FOXN3: variants seen among roughly 807,000 people sequenced by gnomAD.
FOXN3 encodes forkhead box protein N3.
Under a neutral mutation model 38.4 loss-of-function variants are expected in FOXN3, and 7 were observed. The ratio of observed to expected loss-of-function variants is 0.18; its 90% CI spans 0.10 to 0.34. The LOEUF is 0.34. Ranked by LOEUF, FOXN3 falls within the 10% of genes least tolerant of loss-of-function variation. The pLI is 1.00. For missense variants in FOXN3, 456 were observed against 613.4 expected (o/e 0.74, Z 2.71); for synonymous variants, 230 against 242.2 (o/e 0.95, Z 0.47).
intron 4 of FOXN3, among the ~76,000 whole-genome samples, chr14:89,207,241 A>C (rs1257404659): frequency 6.6e-6 from 1 of 152,100 alleles, no homozygotes; most frequent in Non-Finnish European, 1.5e-5. Flanking sequence ...AAATAAAGCA[A>C]AACAAAACAA....
intron 1 of FOXN3, among the ~76,000 whole-genome samples, chr14:89,457,531 T>G (rs974706531): frequency 9.9e-5 from 15 of 152,154 alleles, no homozygotes; most frequent in Non-Finnish European, 2.1e-4. Flanking sequence ...ATCTGGACAA[T>G]GGGGGACAAC....
In FOXN3 at chr14:89,157,583, C is replaced by T. The variant is rs1429988355; in HGVS notation, c.*4831G>A. 1 of 152,538 alleles carries T rather than the reference C, an allele frequency of 6.6e-6. No homozygotes were observed. Among genetic ancestry groups the T allele is most frequent in the African/African-American group, 2.4e-5 (1 of 41,394 alleles). The allele number at this position is 152,538 out of a possible 1,614,324, so 9.4% of individuals were successfully genotyped here. On this transcript the variant is annotated 3_prime_UTR_variant, in exon 6 of 6. Transcript: ENST00000557258. ...ACAGGAACACCACACAATGTATATA[C>T]TTTGATTTACACATTCCGTTACAAA...
chr14:89,436,933 G>A (rs1256474965), intron 1 of FOXN3, among the ~76,000 whole-genome samples: 1 of 152,164 alleles, frequency 6.6e-6, no homozygotes, highest in Admixed American at 6.5e-5. Context: ...GATCACCTGA[G>A]GTCAGGAATT....
intron 2 of FOXN3, among the ~76,000 whole-genome samples, chr14:89,369,178 T>G (rs1890240693): frequency 6.6e-6 from 1 of 152,176 alleles, no homozygotes; most frequent in Admixed American, 6.5e-5. Flanking sequence ...TGATTAGGAT[T>G]TCCAAAAACA....
intron 4 of FOXN3, chr14:89,263,447 T>C (rs1885871509): frequency 6.6e-6 from 1 of 152,202 alleles, no homozygotes; most frequent in Non-Finnish European, 1.5e-5. Flanking sequence ...CTAAATATTG[T>C]ATTAACAACA....
At chr14:89,505,732 G>A (rs1356218078) in intron 1 of FOXN3, among the ~76,000 whole-genome samples, 14 of 151,812 alleles carry the variant, frequency 9.2e-5, no homozygotes, top group Admixed American at 3.3e-4. Context: ...CTGCCTGGCC[G>A]CCCATCGTCT....
intron 1 of FOXN3, among the ~76,000 whole-genome samples, chr14:89,538,745 C>T (rs1024181527): frequency 2.6e-5 from 4 of 151,346 alleles, no homozygotes; most frequent in African/African-American, 7.3e-5. Context: ...TTCGAACTCC[C>T]GACCTCAGGT....
chr14:89,193,623 C>T (rs551127546), intron 4 of FOXN3, among the ~76,000 whole-genome samples: 28 of 152,194 alleles, frequency 1.8e-4, no homozygotes, highest in South Asian at 4.1e-4. Flanking sequence ...ACGGAAATAC[C>T]GCAATCCATT....
intron 1 of FOXN3, among the ~76,000 whole-genome samples, chr14:89,597,253 T>G (rs549877495): frequency 2.6e-5 from 4 of 152,284 alleles, no homozygotes; most frequent in African/African-American, 9.6e-5. Flanking sequence ...CATATGGGGA[T>G]TTTTCATTTA....
intron 1 of FOXN3, among the ~76,000 whole-genome samples, chr14:89,538,844 A>G (rs1894740743): frequency 2.6e-5 from 4 of 151,274 alleles, no homozygotes; most frequent in Admixed American, 2.0e-4. Flanking sequence ...TTATTTATTT[A>G]TCTATTTATT....
rs1307174221 is a variant in FOXN3 at position 89,158,564 on chromosome 14, T to C, written c.*3850A>G. On this transcript the variant is annotated 3_prime_UTR_variant, in exon 6 of 6. Coordinates refer to ENST00000557258, the MANE Select transcript of FOXN3 (RefSeq NM_005197.4). ...CAGATAGATGGCTTCACCAAAGAAC[T>C]CTTGAAAGAATACTGATTAGGGAGG... The C allele has an allele frequency of 1.3e-5, 2 of 152,556 alleles. No homozygotes were observed. The highest frequency in any genetic ancestry group is 2.9e-5 in the Non-Finnish European group (2 of 68,034). The allele number at this position is 152,556 out of a possible 1,614,324, so 9.5% of individuals were successfully genotyped here.
At chr14:89,496,880 T>G (rs145782499) in intron 1 of FOXN3, among the ~76,000 whole-genome samples, 154 of 152,346 alleles carry the variant, frequency 1.0e-3, no homozygotes, top group African/African-American at 3.4e-3. Flanking sequence ...CACGGAATAT[T>G]TGCCTTTTTG....
chr14:89,376,270 T>C (rs1292241466), intron 2 of FOXN3, among the ~76,000 whole-genome samples: 1 of 152,212 alleles, frequency 6.6e-6, no homozygotes, highest in Non-Finnish European at 1.5e-5. Context: ...AGGGCCTCAA[T>C]GGCCAAATTT....
intron 1 of FOXN3, among the ~76,000 whole-genome samples, chr14:89,572,350 C>A (rs1381122063): frequency 6.6e-6 from 1 of 152,130 alleles, no homozygotes; most frequent in Non-Finnish European, 1.5e-5. Context: ...TGTATTCTCC[C>A]TTGTGTTTGG....
intron 2 of FOXN3, among the ~76,000 whole-genome samples, chr14:89,355,958 C>A (rs779690392): frequency 6.6e-6 from 1 of 151,892 alleles, no homozygotes; most frequent in African/African-American, 2.4e-5. Context: ...GGAGCAGGCA[C>A]CACCTCTGCC....
chr14:89,485,805 A>G (rs1298093806), intron 1 of FOXN3, among the ~76,000 whole-genome samples: 2 of 152,110 alleles, frequency 1.3e-5, no homozygotes, highest in African/African-American at 4.8e-5. Context: ...CTTCTGATCG[A>G]GGCAGTCAGG....
At chr14:89,602,558 G>A (rs1471753968) in intron 1 of FOXN3, among the ~76,000 whole-genome samples, 2 of 151,444 alleles carry the variant, frequency 1.3e-5, no homozygotes, top group African/African-American at 4.9e-5. Context: ...GTGCAGTGGC[G>A]CGATCTCGGC....
At chr14:89,238,617 C>T (rs999329422) in intron 4 of FOXN3, among the ~76,000 whole-genome samples, 10 of 152,220 alleles carry the variant, frequency 6.6e-5, no homozygotes, top group Admixed American at 5.9e-4. Flanking sequence ...ACATAGAGAA[C>T]TGCAGAATAT....
At chr14:89,433,978 G>A (rs1229337036) in intron 1 of FOXN3, among the ~76,000 whole-genome samples, 2 of 145,308 alleles carry the variant, frequency 1.4e-5, no homozygotes, top group South Asian at 2.2e-4. Flanking sequence ...AGGCTGGAGT[G>A]CAATGGCCCC....
Sources: allele counts gnomAD v4.1 joint callset (sites outside exome capture counted in the v4.1 genomes callset), GRCh38; gene constraint gnomAD v4.1.1; transcripts MANE v1.5; gene names NCBI Gene and HGNC (gene_info 2026-07-23, HGNC 2026-07-21).